The following EPHB1 variants were observed in gnomAD, a reference collection of about 807,000 sequenced individuals.
The protein encoded by EPHB1 is ephrin type-B receptor 1.
In EPHB1, 30 loss-of-function variants were observed where a neutral mutation model predicts 94.4. The observed-to-expected ratio is 0.32, with a 90% CI of 0.24 to 0.43. The LOEUF is 0.43. Ranked by LOEUF, EPHB1 falls within the 20% of genes least tolerant of loss-of-function variation. The pLI, the probability that EPHB1 is intolerant of heterozygous loss-of-function variation, is 1.00. For missense variants in EPHB1, 1,055 were observed against 1,308.3 expected (o/e 0.81, Z 2.99); for synonymous variants, 522 against 489.1 (o/e 1.07, Z -0.89).
intron 3 of EPHB1, among the ~76,000 whole-genome samples, chr3:135,097,490 A>G (rs1938846759): frequency 6.6e-6 from 1 of 151,964 alleles, no homozygotes; most frequent in Non-Finnish European, 1.5e-5. Flanking sequence ...TCTGTTTGTC[A>G]CCCTTCAGTC....
At chr3:134,941,894 C>T (rs1188231325) in intron 2 of EPHB1, among the ~76,000 whole-genome samples, 7 of 152,042 alleles carry the variant, frequency 4.6e-5, no homozygotes, top group Non-Finnish European at 1.5e-5. Context: ...ATAAGCAAGC[C>T]TAACAAACCT....
chr3:135,236,744 A>G (rs1301920075), intron 12 of EPHB1, among the ~76,000 whole-genome samples: 3 of 152,228 alleles, frequency 2.0e-5, no homozygotes, highest in African/African-American at 7.2e-5. Context: ...AATACTCAGT[A>G]TTCATGAGTG....
intron 5 of EPHB1, among the ~76,000 whole-genome samples, chr3:135,149,630 G>A (rs1484460118): frequency 6.6e-6 from 1 of 152,222 alleles, no homozygotes; most frequent in African/African-American, 2.4e-5. Context: ...GACTGTTGAT[G>A]GCAGAGCACT....
intron 1 of EPHB1, among the ~76,000 whole-genome samples, chr3:134,839,542 C>T (rs575932708): frequency 6.6e-6 from 1 of 152,160 alleles, no homozygotes; most frequent in East Asian, 1.9e-4. Flanking sequence ...CGCCTCTGCC[C>T]TTGGTCACCG....
chr3:135,258,068 C>A (rs55913165), intron 15 of EPHB1, among the ~76,000 whole-genome samples: 5 of 151,970 alleles, frequency 3.3e-5, no homozygotes, highest in African/African-American at 4.8e-5. Context: ...CACCCTGCTT[C>A]GGCTCGTGCA....
At chr3:134,958,413 A>AGTGTGT (rs3067407) in intron 3 of EPHB1, among the ~76,000 whole-genome samples, 1,670 of 97,660 alleles carry the variant, frequency 0.017, 24 homozygotes, top group African/African-American at 0.044. Flanking sequence ...AACACAAGGG[A>AGTGTGT]GTGTGTGTGT....
chr3:135,187,744 G>A (rs2107708031), intron 10 of EPHB1, among the ~76,000 whole-genome samples: 1 of 152,234 alleles, frequency 6.6e-6, no homozygotes, highest in East Asian at 1.9e-4. Context: ...GCACCTGGCA[G>A]GGAAACTTCA....
chr3:135,181,594 C>T (rs1942153460), intron 10 of EPHB1, among the ~76,000 whole-genome samples: 1 of 152,150 alleles, frequency 6.6e-6, no homozygotes, highest in Non-Finnish European at 1.5e-5. Context: ...GTGCTAGTGA[C>T]TTTAATGTTG....
chr3:134,914,417 C>T (rs1309446154), intron 1 of EPHB1, among the ~76,000 whole-genome samples: 3 of 152,180 alleles, frequency 2.0e-5, no homozygotes, highest in Non-Finnish European at 4.4e-5. Flanking sequence ...GAACATGAGC[C>T]TTAGACGTCT....
intron 1 of EPHB1, among the ~76,000 whole-genome samples, chr3:134,842,554 T>A (rs1002437256): frequency 1.3e-5 from 2 of 152,232 alleles, no homozygotes; most frequent in African/African-American, 4.8e-5. Context: ...AAAATCCCTC[T>A]AAGTTCCCTT....
intron 1 of EPHB1, among the ~76,000 whole-genome samples, chr3:134,827,522 G>GCT (rs530762669): frequency 5.9e-5 from 9 of 152,328 alleles, no homozygotes; most frequent in African/African-American, 2.2e-4. Context: ...TTAGCCTAAA[G>GCT]CTCTCCTATC....
At chr3:134,991,114 C>T (rs1017237675) in intron 3 of EPHB1, among the ~76,000 whole-genome samples, 1 of 152,128 alleles carries the variant, frequency 6.6e-6, no homozygotes, top group African/African-American at 2.4e-5. Flanking sequence ...CCTGCCGTTT[C>T]TTTTCATTTG....
intron 13 of EPHB1, among the ~76,000 whole-genome samples, chr3:135,246,619 A>G (rs912661193): frequency 6.6e-6 from 1 of 152,076 alleles, no homozygotes; most frequent in Non-Finnish European, 1.5e-5. Flanking sequence ...AAATTATTTC[A>G]CTGCTCATGC....
chr3:135,107,656 A>T (rs1198385125), intron 4 of EPHB1, among the ~76,000 whole-genome samples: 4 of 152,284 alleles, frequency 2.6e-5, no homozygotes, highest in South Asian at 2.1e-4. Flanking sequence ...TTTCTGTTTG[A>T]TGAACAGAAA....
intron 4 of EPHB1, among the ~76,000 whole-genome samples, chr3:135,131,229 C>T (rs144808043): frequency 1.2e-3 from 178 of 152,302 alleles, no homozygotes; most frequent in African/African-American, 4.0e-3. Flanking sequence ...GCCTAATGGG[C>T]TTTATATGGT....
At chr3:134,898,043 A>G (rs190062827) in intron 1 of EPHB1, among the ~76,000 whole-genome samples, 142 of 152,200 alleles carry the variant, frequency 9.3e-4, no homozygotes, top group African/African-American at 3.2e-3. Flanking sequence ...AAATAAATCA[A>G]TGTTATCTCT....
At chr3:135,124,718 C>T (rs1940127900) in intron 4 of EPHB1, among the ~76,000 whole-genome samples, 3 of 151,682 alleles carry the variant, frequency 2.0e-5, no homozygotes, top group Admixed American at 2.0e-4. Context: ...TACTGGGGTT[C>T]ATTTAAAGCT....
At position 135,029,865 on chromosome 3, in the gene EPHB1, C is replaced by G. The variant is rs573038917; in HGVS notation, c.806-76583C>G. ...CCCCATCACTTTCAGGTATACCAAT[C>G]AGAGGTAGATTTTGTCTTTTCACAT... On this transcript the variant is annotated intron_variant, in intron 3 of 15. Coordinates refer to ENST00000398015, the MANE Select transcript of EPHB1 (RefSeq NM_004441.5). Among the ~76,000 whole-genome samples the G allele has an allele frequency of 9.9e-5, 15 of 152,124 alleles. No homozygotes were observed. In the South Asian group the frequency reaches 3.1e-3, roughly 32 times the overall value.
chr3:135,114,766 T>A (rs114290159), intron 4 of EPHB1, among the ~76,000 whole-genome samples: 3 of 150,386 alleles, frequency 2.0e-5, no homozygotes, highest in Admixed American at 6.6e-5. Context: ...AATAAATAAA[T>A]AAAACAATAT....
Sources: gnomAD v4.1 joint callset for allele counts (sites outside exome capture counted in the v4.1 genomes callset) on GRCh38, gnomAD v4.1.1 for gene constraint, MANE v1.5 for transcripts, NCBI Gene and HGNC (gene_info 2026-07-23, HGNC 2026-07-21) for gene names.